Variants in EFR3A observed in about 807,000 individuals in gnomAD.
The protein encoded by EFR3A is protein EFR3 homolog A.
EFR3A carries 76 observed loss-of-function variants against 104.4 expected under a neutral mutation model. The ratio of observed to expected loss-of-function variants is 0.73; its 90% confidence interval spans 0.60 to 0.88. The LOEUF is 0.88. Ranked by LOEUF, EFR3A falls within the 40% of genes least tolerant of loss-of-function variation. The probability of loss-of-function intolerance (pLI) is 0.00; values close to 1 mark genes in which losing one functional copy is unlikely to be tolerated. For missense variants in EFR3A, 985 were observed against 1,012.5 expected (o/e 0.97, Z 0.37); for synonymous variants, 330 against 330.0 (o/e 1.00, Z 0.00).
At position 131,983,125 on chromosome 8, in the gene EFR3A, G is replaced by A. The variant is rs551973002; in HGVS notation, c.1576-1014G>A. On this transcript the variant is annotated intron_variant, in intron 14 of 22. Coordinates refer to ENST00000254624, the MANE Select transcript of EFR3A (RefSeq NM_015137.6). Reference sequence around the variant, plus strand: ...CTTCAGAAGAGTCTGTGCTGTTCTCGCCCAGTTTCTTCTCCTAAAATGATC... The same window carrying A: ...CTTCAGAAGAGTCTGTGCTGTTCTCACCCAGTTTCTTCTCCTAAAATGATC... Among the ~76,000 whole-genome samples the A allele has an allele frequency of 3.3e-5, 5 of 152,220 alleles. No homozygotes were observed. In the South Asian group the frequency reaches 8.3e-4, roughly 25 times the overall value.
chr8:131,993,220 C>T (rs899811367), intron 18 of EFR3A, among the ~76,000 whole-genome samples: 1 of 152,070 alleles, frequency 6.6e-6, no homozygotes, highest in African/African-American at 2.4e-5. Flanking sequence ...AGCAAACAAC[C>T]CCAAGTTCTT....
chr8:131,939,245 T>C (rs1818050054), intron 1 of EFR3A, among the ~76,000 whole-genome samples: 1 of 152,094 alleles, frequency 6.6e-6, no homozygotes, highest in African/African-American at 2.4e-5. Flanking sequence ...GAAACTTGTG[T>C]GTAGTAAGAC....
intron 1 of EFR3A, among the ~76,000 whole-genome samples, chr8:131,933,576 G>A (rs569975789): frequency 1.3e-5 from 2 of 151,898 alleles, no homozygotes; most frequent in African/African-American, 4.8e-5. Context: ...GGATTATTCT[G>A]TATTTTATTG....
intron 5 of EFR3A, among the ~76,000 whole-genome samples, chr8:131,951,683 G>C (rs978054894): frequency 6.6e-6 from 1 of 151,944 alleles, no homozygotes; most frequent in Non-Finnish European, 1.5e-5. Flanking sequence ...CTTCCAAAAA[G>C]AAACTTTGAC....
intron 5 of EFR3A, among the ~76,000 whole-genome samples, chr8:131,952,597 T>C (rs542789368): frequency 6.6e-6 from 1 of 152,028 alleles, no homozygotes; most frequent in South Asian, 2.1e-4. Context: ...GCAGCAGGTA[T>C]GTAAAGCAGG....
chr8:131,955,674 C>A, intron 6 of EFR3A, 94 bp from the exon 7 acceptor site: 1 of 1,354,282 alleles, frequency 7.4e-7, no homozygotes. Context: ...AAAGAAAATG[C>A]CATTTTAACA....
At chr8:131,915,829 T>G (rs1343380274) in intron 1 of EFR3A, among the ~76,000 whole-genome samples, 1 of 152,220 alleles carries the variant, frequency 6.6e-6, no homozygotes, top group Non-Finnish European at 1.5e-5. Flanking sequence ...TCTAAGGCTG[T>G]GTATGTGTGC....
intron 19 of EFR3A, among the ~76,000 whole-genome samples, chr8:131,998,798 TAG>T (rs1821633017): frequency 6.6e-6 from 1 of 152,004 alleles, no homozygotes; most frequent in South Asian, 2.1e-4. Flanking sequence ...AAGGTATTTT[TAG>T]AGAGTATAAA....
intron 18 of EFR3A, among the ~76,000 whole-genome samples, chr8:131,995,240 A>G (rs1471321941): frequency 2.0e-5 from 3 of 152,186 alleles, no homozygotes; most frequent in Non-Finnish European, 4.4e-5. Context: ...TTACTCACTC[A>G]GCTTTCCAAG....
At chr8:131,930,323 A>G (rs1484714747) in intron 1 of EFR3A, among the ~76,000 whole-genome samples, 1 of 152,014 alleles carries the variant, frequency 6.6e-6, no homozygotes, top group African/African-American at 2.4e-5. Context: ...TTATAGCAGA[A>G]GTCTTCTCTA....
intron 18 of EFR3A, among the ~76,000 whole-genome samples, chr8:131,991,520 G>T (rs1032894432): frequency 1.3e-5 from 2 of 152,166 alleles, no homozygotes; most frequent in Non-Finnish European, 2.9e-5. Flanking sequence ...TTTGACAGTG[G>T]AACATGCAAG....
chr8:131,957,165 T>G (rs1819045077), intron 7 of EFR3A, among the ~76,000 whole-genome samples: 1 of 152,182 alleles, frequency 6.6e-6, no homozygotes, highest in South Asian at 2.1e-4. Flanking sequence ...AATTAAATAT[T>G]AAATGCCCTC....
At chr8:131,928,146 G>T (rs1358982414) in intron 1 of EFR3A, among the ~76,000 whole-genome samples, 1 of 151,462 alleles carries the variant, frequency 6.6e-6, no homozygotes, top group African/African-American at 2.4e-5. Context: ...AAACCTAATT[G>T]ATTGGTTGAC....
chr8:132,003,567 T>A (rs1821893760), intron 22 of EFR3A, among the ~76,000 whole-genome samples: 1 of 151,030 alleles, frequency 6.6e-6, no homozygotes, highest in South Asian at 2.1e-4. Flanking sequence ...TCTGGGTAAT[T>A]TAAAAAAGAC....
In EFR3A at chr8:131,904,237, C is replaced by T; in HGVS notation, c.-76C>T. The T allele has an allele frequency of 2.4e-6, 3 of 1,271,700 alleles. No homozygotes were observed. Among genetic ancestry groups the T allele is most frequent in the Non-Finnish European group, 2.0e-6 (2 of 1,006,608 alleles). 78.8% of individuals were successfully genotyped at this position (1,271,700 alleles called of 1,614,324 possible). On this transcript the variant is annotated 5_prime_UTR_variant, in exon 1 of 23. Transcript: ENST00000254624. ...TCCGGCCTCCGCGGCCCAGCAACGG[C>T]CGTCATGGTGCCGTCGGCGCTCCCT...
intron 1 of EFR3A, among the ~76,000 whole-genome samples, chr8:131,917,216 AG>A (rs1816779640): frequency 1.3e-5 from 2 of 152,246 alleles, no homozygotes; most frequent in South Asian, 4.1e-4. Context: ...CAAGGAACTG[AG>A]GGACATTAGA....
chr8:131,924,595 T>C (rs1048398726), intron 1 of EFR3A, among the ~76,000 whole-genome samples: 3 of 152,144 alleles, frequency 2.0e-5, no homozygotes, highest in African/African-American at 7.2e-5. Flanking sequence ...GTCATTTTAT[T>C]ACTCCAGAAC....
At chr8:131,960,826 G>T (rs759573555) in intron 8 of EFR3A, among the ~76,000 whole-genome samples, 62 of 152,166 alleles carry the variant, frequency 4.1e-4, no homozygotes, top group Non-Finnish European at 7.8e-4. Flanking sequence ...ATTAAGAGTT[G>T]TACTCTGGGA....
chr8:131,964,149 T>G (rs1318322015), intron 8 of EFR3A, among the ~76,000 whole-genome samples: 1 of 152,024 alleles, frequency 6.6e-6, no homozygotes, highest in Non-Finnish European at 1.5e-5. Flanking sequence ...GCATTCCCTT[T>G]GAAAACTGGC....
Sources: allele counts gnomAD v4.1 joint callset (sites outside exome capture counted in the v4.1 genomes callset), GRCh38; gene constraint gnomAD v4.1.1; transcripts MANE v1.5; gene names NCBI Gene and HGNC (gene_info 2026-07-23, HGNC 2026-07-21).